Variants in KCNIP4 observed in about 807,000 individuals in gnomAD.
The protein encoded by KCNIP4 is potassium voltage-gated channel interacting protein 4.
KCNIP4 carries 12 observed loss-of-function variants against 34.0 expected under a neutral mutation model. The ratio of observed to expected loss-of-function variants is 0.35; its 90% CI spans 0.23 to 0.57. KCNIP4 has a LOEUF of 0.57. KCNIP4 is among the 20% of genes least tolerant of loss of function. KCNIP4 has a pLI of 0.83. For missense variants in KCNIP4, 238 were observed against 311.7 expected (o/e 0.76, Z 1.78); for synonymous variants, 124 against 102.2 (o/e 1.21, Z -1.29).
chr4:21,659,547 G>A (rs998222869), intron 1 of KCNIP4, among the ~76,000 whole-genome samples: 14 of 151,866 alleles, frequency 9.2e-5, no homozygotes, highest in Non-Finnish European at 2.1e-4. Flanking sequence ...TATTTTTAAT[G>A]CATCAAATAC....
Position 21,588,640 on chromosome 4 carries a change from A to T in KCNIP4, c.61+359931T>A, listed in dbSNP as rs368208887. Among the ~76,000 whole-genome samples, 255 of 151,910 alleles carry T rather than the reference A, an allele frequency of 1.7e-3. 9 individuals are homozygous for T. The South Asian group carries it at 0.047, about 28-fold the overall frequency. On this transcript the variant is annotated intron_variant, in intron 1 of 8. Coordinates refer to ENST00000382152, the MANE Select transcript of KCNIP4 (RefSeq NM_025221.6). ...TGTGATCCCAAACCCTACTAAAGGCATCCCAGACCACAGCAGAGGTACTCT... is the reference window on the plus strand; with the variant it reads ...TGTGATCCCAAACCCTACTAAAGGCTTCCCAGACCACAGCAGAGGTACTCT...
intron 2 of KCNIP4, among the ~76,000 whole-genome samples, chr4:20,873,440 TGTC>T (rs1351379036): frequency 6.6e-6 from 1 of 152,188 alleles, no homozygotes; most frequent in African/African-American, 2.4e-5. Context: ...CTAATTTTCT[TGTC>T]GTCTTTCTCT....
intron 3 of KCNIP4, among the ~76,000 whole-genome samples, chr4:20,833,416 C>T (rs562477512): frequency 1.1e-4 from 16 of 152,098 alleles, no homozygotes; most frequent in Admixed American, 3.3e-4. Context: ...ACCCGGGAGG[C>T]GGAGATTGCA....
chr4:21,280,122 T>G (rs1762686846), intron 1 of KCNIP4, among the ~76,000 whole-genome samples: 2 of 152,178 alleles, frequency 1.3e-5, no homozygotes, highest in Admixed American at 6.5e-5. Context: ...ATTCCATTCT[T>G]TTGTCGGCCT....
chr4:20,786,084 G>T (rs762342508), intron 3 of KCNIP4, among the ~76,000 whole-genome samples: 1 of 152,042 alleles, frequency 6.6e-6, no homozygotes, highest in African/African-American at 2.4e-5. Flanking sequence ...TAAAGAAAAT[G>T]TACATATACA....
At chr4:21,811,493 A>G (rs1721649260) in intron 1 of KCNIP4, among the ~76,000 whole-genome samples, 1 of 152,216 alleles carries the variant, frequency 6.6e-6, no homozygotes, top group African/African-American at 2.4e-5. Context: ...GCCTTTTATA[A>G]TCCCACTTCA....
At position 21,296,962 on chromosome 4, in the gene KCNIP4, TTGTG is replaced by T. The variant is rs569181134; in HGVS notation, c.62-414257_62-414254del. ...CAATTAAGGTAACTGCCCTCGTGAC[TTGTG>T]TGTGTGTATATATTTATATATGTAT... On this transcript the variant is annotated intron_variant, in intron 1 of 8. Coordinates refer to ENST00000382152, the MANE Select transcript of KCNIP4 (RefSeq NM_025221.6). Among the ~76,000 whole-genome samples the T allele has an allele frequency of 2.4e-3, 362 of 151,778 alleles. 4 individuals are homozygous for T. The highest frequency in any genetic ancestry group is 8.0e-3 in the African/African-American group (330 of 41,416).
chr4:21,130,910 T>C (rs756475360), intron 1 of KCNIP4, among the ~76,000 whole-genome samples: 12 of 152,288 alleles, frequency 7.9e-5, no homozygotes, highest in Non-Finnish European at 1.6e-4. Flanking sequence ...AATTAAAAAT[T>C]CACTTAATAT....
At chr4:20,771,946 A>G (rs1755926569) in intron 3 of KCNIP4, among the ~76,000 whole-genome samples, 1 of 152,208 alleles carries the variant, frequency 6.6e-6, no homozygotes, top group Non-Finnish European at 1.5e-5. Context: ...CTGGGATTAC[A>G]GGTGTGAGCC....
intron 1 of KCNIP4, among the ~76,000 whole-genome samples, chr4:21,024,490 A>G (rs2149753276): frequency 6.6e-6 from 1 of 152,350 alleles, no homozygotes; most frequent in East Asian, 1.9e-4. Context: ...TCATTCCCCA[A>G]CAACTAAAAT....
chr4:21,928,447 T>C (rs759281500), intron 1 of KCNIP4, among the ~76,000 whole-genome samples: 4 of 152,172 alleles, frequency 2.6e-5, no homozygotes, highest in Admixed American at 6.6e-5. Context: ...ACTGGATGAA[T>C]GTTTTCCAGA....
intron 1 of KCNIP4, among the ~76,000 whole-genome samples, chr4:21,840,452 G>C (rs375533684): frequency 6.6e-6 from 1 of 152,100 alleles, no homozygotes; most frequent in South Asian, 2.1e-4. Context: ...TGAGGAAGAG[G>C]CAATGTTGAA....
chr4:21,307,693 G>A (rs1274667863), intron 1 of KCNIP4, among the ~76,000 whole-genome samples: 1 of 152,124 alleles, frequency 6.6e-6, no homozygotes, highest in Non-Finnish European at 1.5e-5. Flanking sequence ...CACTGATCTG[G>A]CAGAGCCCAA....
At chr4:21,549,627 T>C (rs2109013398) in intron 1 of KCNIP4, among the ~76,000 whole-genome samples, 1 of 152,162 alleles carries the variant, frequency 6.6e-6, no homozygotes, top group East Asian at 1.9e-4. Flanking sequence ...TTTTTTAAAA[T>C]AAATTACCCA....
At chr4:21,676,533 C>T (rs888521752) in intron 1 of KCNIP4, among the ~76,000 whole-genome samples, 4 of 152,198 alleles carry the variant, frequency 2.6e-5, no homozygotes, top group African/African-American at 9.6e-5. Flanking sequence ...AGTCCAAATT[C>T]AAAATGGTTA....
chr4:21,713,386 A>C (rs1713896111), intron 1 of KCNIP4, among the ~76,000 whole-genome samples: 2 of 152,198 alleles, frequency 1.3e-5, no homozygotes, highest in South Asian at 4.1e-4. Flanking sequence ...TGCTGGGATG[A>C]TTATTTGGAT....
At chr4:20,880,250 C>T (rs1027146749) in intron 2 of KCNIP4, among the ~76,000 whole-genome samples, 1 of 152,034 alleles carries the variant, frequency 6.6e-6, no homozygotes, top group Non-Finnish European at 1.5e-5. Flanking sequence ...TCTTATCTTT[C>T]TTTGCACTTT....
intron 1 of KCNIP4, among the ~76,000 whole-genome samples, chr4:21,184,907 G>C (rs1392254348): frequency 6.6e-6 from 1 of 152,060 alleles, no homozygotes; most frequent in Non-Finnish European, 1.5e-5. Context: ...TCCTGAGATG[G>C]AAGTTGGGTT....
intron 1 of KCNIP4, among the ~76,000 whole-genome samples, chr4:21,204,042 C>A (rs1315374037): frequency 2.6e-5 from 4 of 152,156 alleles, no homozygotes; most frequent in Non-Finnish European, 5.9e-5. Flanking sequence ...GTTTCCATTG[C>A]AAGGCATGGT....
Sources: allele counts gnomAD v4.1 joint callset (sites outside exome capture counted in the v4.1 genomes callset), GRCh38; gene constraint gnomAD v4.1.1; transcripts MANE v1.5; gene names NCBI Gene and HGNC (gene_info 2026-07-23, HGNC 2026-07-21).